KCNH1: variants seen among roughly 807,000 people sequenced by gnomAD.
KCNH1 encodes the protein potassium voltage-gated channel subfamily H member 1, also known as voltage-gated delayed rectifier potassium channel KCNH1.
Under a neutral mutation model 69.2 loss-of-function variants are expected in KCNH1, and 27 were observed. The observed-to-expected ratio is 0.39, with a 90% confidence interval of 0.29 to 0.54. The LOEUF is 0.54. Ranked by LOEUF, KCNH1 falls within the 20% of genes least tolerant of loss-of-function variation. The probability of loss-of-function intolerance (pLI) is 0.68; values close to 1 mark genes in which losing one functional copy is unlikely to be tolerated. For synonymous variants in KCNH1, 456 were observed against 487.7 expected (o/e 0.93, Z 0.86); for missense variants, 798 against 1,261.6 (o/e 0.63, Z 5.57).
At chr1:210,861,542 C>T (rs956986788) in intron 7 of KCNH1, 6 of 771,808 alleles carry the variant, frequency 7.8e-6, no homozygotes, top group South Asian at 2.7e-5. Flanking sequence ...TTCTTCAATT[C>T]GAAGTGTTTC....
intron 10 of KCNH1, among the ~76,000 whole-genome samples, chr1:210,761,670 G>T (rs1162133774): frequency 6.6e-6 from 1 of 151,990 alleles, no homozygotes; most frequent in East Asian, 1.9e-4. Context: ...TAATGATAAA[G>T]GTGTTCAAAT....
intron 7 of KCNH1, among the ~76,000 whole-genome samples, chr1:210,804,424 G>A (rs1352529626): frequency 1.3e-5 from 2 of 152,220 alleles, no homozygotes; most frequent in African/African-American, 2.4e-5. Context: ...GAGCTGGCAT[G>A]GCCGGGGCCA....
chr1:210,797,352 G>T (rs967770217), intron 9 of KCNH1, among the ~76,000 whole-genome samples, 156 bp downstream of exon 9: 2 of 152,196 alleles, frequency 1.3e-5, no homozygotes, highest in African/African-American at 4.8e-5. Flanking sequence ...TGCCAAACAG[G>T]CTCTCGCCGT....
At chr1:211,033,642 T>C (rs1405601543) in intron 5 of KCNH1, among the ~76,000 whole-genome samples, 1 of 152,150 alleles carries the variant, frequency 6.6e-6, no homozygotes, top group Non-Finnish European at 1.5e-5. Flanking sequence ...GAAACCATCA[T>C]TCTCAACAAA....
intron 7 of KCNH1, among the ~76,000 whole-genome samples, chr1:210,909,736 G>A (rs1687187919): frequency 6.6e-6 from 1 of 152,236 alleles, no homozygotes; most frequent in Non-Finnish European, 1.5e-5. Context: ...TGGCAGTGGA[G>A]ATGACTTTCA....
chr1:210,843,714 T>C (rs1685475873), intron 7 of KCNH1, among the ~76,000 whole-genome samples: 1 of 152,176 alleles, frequency 6.6e-6, no homozygotes. Flanking sequence ...TAATGTTCAT[T>C]TACTGTCAGA....
At chr1:210,762,703 G>A (rs149318847) in intron 10 of KCNH1, among the ~76,000 whole-genome samples, 1 of 152,074 alleles carries the variant, frequency 6.6e-6, no homozygotes, top group African/African-American at 2.4e-5. Flanking sequence ...AAAAACAATA[G>A]TGAGTAATGG....
At chr1:211,122,935 CT>C (rs143066987) in intron 1 of KCNH1, among the ~76,000 whole-genome samples, 15 of 148,652 alleles carry the variant, frequency 1.0e-4, no homozygotes, top group East Asian at 5.9e-4. Flanking sequence ...CATATGTATC[CT>C]TTTTTTTTTA....
intron 6 of KCNH1, among the ~76,000 whole-genome samples, chr1:210,970,635 AACTC>A (rs1291911868): frequency 1.3e-5 from 2 of 152,224 alleles, no homozygotes; most frequent in African/African-American, 4.8e-5. Flanking sequence ...TACAAAAATT[AACTC>A]AAAATGGATT....
At chr1:211,008,861 G>A (rs1178996423) in intron 6 of KCNH1, among the ~76,000 whole-genome samples, 1 of 152,190 alleles carries the variant, frequency 6.6e-6, no homozygotes, top group Non-Finnish European at 1.5e-5. Context: ...ACTGAAAGGA[G>A]ATTAGCTATA....
chr1:210,750,779 C>T (rs1381326580), intron 10 of KCNH1, among the ~76,000 whole-genome samples: 1 of 152,124 alleles, frequency 6.6e-6, no homozygotes, highest in Non-Finnish European at 1.5e-5. Context: ...TTGTTTAAGA[C>T]ATTTGTATCT....
chr1:211,019,064 G>A lies in KCNH1; in HGVS notation c.751C>T (p.Leu251=), dbSNP rs1689544401. The change falls in exon 6 of 11, where the codon CTG becomes TTG. Residue 251 remains leucine (L), a synonymous_variant. Transcript: ENST00000271751. ...FKTRQNNVAW[L]VVDSIVDVIF... The stretch of plus-strand genomic sequence containing the variant: ...ACATCCACGATGCTATCAACAACCA[G>A]CCAGGCCACATTATTCTGCCTGGTT... 1.9e-6 allele frequency: 3 copies of A among 1,613,994 alleles called. No homozygotes were observed. The highest frequency in any genetic ancestry group is 2.2e-5 in the East Asian group (1 of 44,872).
chr1:211,078,296 C>T (rs577769521), intron 5 of KCNH1, among the ~76,000 whole-genome samples: 3 of 152,288 alleles, frequency 2.0e-5, no homozygotes, highest in South Asian at 4.1e-4. Flanking sequence ...AACTCTCCAC[C>T]CCAAATCAAC....
At chr1:210,887,206 A>C (rs1440810702) in intron 7 of KCNH1, among the ~76,000 whole-genome samples, 1 of 152,236 alleles carries the variant, frequency 6.6e-6, no homozygotes, top group African/African-American at 2.4e-5. Flanking sequence ...TCTCAGCAGA[A>C]ACATACAAGC....
chr1:210,773,630 C>T (rs1683796528), intron 10 of KCNH1, among the ~76,000 whole-genome samples: 2 of 150,432 alleles, frequency 1.3e-5, no homozygotes, highest in East Asian at 1.9e-4. Context: ...AGATCATTGG[C>T]CCCTTCTGTT....
chr1:211,018,505 C>T (rs1689533440), intron 6 of KCNH1, among the ~76,000 whole-genome samples: 2 of 152,204 alleles, frequency 1.3e-5, no homozygotes, highest in African/African-American at 4.8e-5. Flanking sequence ...CCATGCATGC[C>T]TGCTGCTGCA....
intron 7 of KCNH1, among the ~76,000 whole-genome samples, chr1:210,917,271 G>GA (rs1174852308): frequency 1.4e-5 from 2 of 145,992 alleles, no homozygotes; most frequent in African/African-American, 5.2e-5. Flanking sequence ...AAGAAAGAAA[G>GA]AAAGAAAGAA....
intron 7 of KCNH1, among the ~76,000 whole-genome samples, chr1:210,827,200 G>A (rs986322887): frequency 9.2e-5 from 14 of 152,132 alleles, no homozygotes; most frequent in Non-Finnish European, 1.5e-5. Context: ...GCCAGGCGTG[G>A]TGGCGGGTGC....
intron 5 of KCNH1, among the ~76,000 whole-genome samples, chr1:211,033,915 C>G (rs1168472012): frequency 6.9e-6 from 1 of 144,550 alleles, no homozygotes; most frequent in Non-Finnish European, 1.5e-5. Context: ...AAAGTATAAT[C>G]AAAAAAAAAA....
Sources: allele counts gnomAD v4.1 joint callset (sites outside exome capture counted in the v4.1 genomes callset), GRCh38; gene constraint gnomAD v4.1.1; transcripts MANE v1.5; gene names NCBI Gene and HGNC (gene_info 2026-07-23, HGNC 2026-07-21).